The following RAB40C variants were observed in gnomAD, a reference collection of about 807,000 sequenced individuals.
RAB40C encodes the protein ras-related protein Rab-40C.
A neutral mutation model predicts 28.1 loss-of-function variants in RAB40C; 8 were observed. The observed-to-expected ratio is 0.28, with a 90% CI of 0.17 to 0.51. RAB40C has a LOEUF of 0.51. RAB40C is among the 20% of genes least tolerant of loss of function. The probability of loss-of-function intolerance (pLI) is 0.97; values close to 1 mark genes in which losing one functional copy is unlikely to be tolerated. For missense variants in RAB40C, 288 were observed against 405.9 expected (o/e 0.71, Z 2.50); for synonymous variants, 201 against 171.7 (o/e 1.17, Z -1.34).
At chr16:615,780 G>A (rs2151074683) in intron 1 of RAB40C, among the ~76,000 whole-genome samples, 1 of 152,204 alleles carries the variant, frequency 6.6e-6, no homozygotes, top group African/African-American at 2.4e-5. Context: ...TAGCCAACGT[G>A]GCAAAACCCC....
At chr16:603,544 C>T (rs139762254) in intron 1 of RAB40C, among the ~76,000 whole-genome samples, 320 of 152,286 alleles carry the variant, frequency 2.1e-3, no homozygotes, top group African/African-American at 7.4e-3. Flanking sequence ...TAGGGTAATC[C>T]GGTCCCCTAA....
intron 3 of RAB40C, among the ~76,000 whole-genome samples, chr16:619,912 C>A (rs550724061): frequency 6.6e-6 from 1 of 152,302 alleles, no homozygotes; most frequent in South Asian, 2.1e-4. Flanking sequence ...GACGCCAGGG[C>A]GGGCTGGGTC....
intron 1 of RAB40C, among the ~76,000 whole-genome samples, chr16:599,737 G>A (rs573362047): frequency 3.6e-4 from 30 of 84,350 alleles, no homozygotes; most frequent in African/African-American, 1.1e-3. Flanking sequence ...GCGTGGATTC[G>A]CAAGGTTTTG....
intron 1 of RAB40C, among the ~76,000 whole-genome samples, chr16:604,656 T>C (rs1222272259): frequency 6.6e-6 from 1 of 152,236 alleles, no homozygotes; most frequent in Non-Finnish European, 1.5e-5. Context: ...TCTGTTCCCT[T>C]AGGTAGATCT....
Position 626,072 on chromosome 16 carries a change from C to T in RAB40C, c.516C>T (p.Arg172=), listed in dbSNP as rs1172338300. The T allele has an allele frequency of 1.2e-6, 2 of 1,613,340 alleles. No individual in the cohort carries two copies. Among genetic ancestry groups the T allele is most frequent in the East Asian group, 2.2e-5 (1 of 44,874 alleles). The change falls in exon 5 of 6, where the codon CGC becomes CGT. Residue 172 remains arginine, a synonymous_variant. Coordinates refer to ENST00000248139, the MANE Select transcript of RAB40C (RefSeq NM_021168.5). ...TCGAGTCCTTCACGGAGCTATCCCGCATCGTGCTCATGCGGCACGGCATGG... is the reference window on the plus strand; with the variant it reads ...TCGAGTCCTTCACGGAGCTATCCCGTATCGTGCTCATGCGGCACGGCATGG... ...NVIESFTELS[R]IVLMRHGMEK... is the part of the protein sequence containing the mutation.
At chr16:625,151 A>C in intron 3 of RAB40C, 1 of 1,369,398 alleles carries the variant, frequency 7.3e-7, no homozygotes, top group South Asian at 1.2e-5. Flanking sequence ...TGCCCAGGAA[A>C]CTTCCACAGG....
chr16:627,913 T>C lies in RAB40C; in HGVS notation c.*291T>C. 1 of 424,572 alleles carries C rather than the reference T, an allele frequency of 2.4e-6. No homozygotes were observed. The highest frequency in any genetic ancestry group is 6.2e-5 in the South Asian group (1 of 16,142). The allele number at this position is 424,572 out of a possible 1,614,324, so 26.3% of individuals were successfully genotyped here. A position where few individuals can be genotyped will look rare whatever the true frequency, so the allele number is the denominator to read the frequency against. On this transcript the variant is annotated 3_prime_UTR_variant, in exon 6 of 6. Coordinates refer to ENST00000248139, the MANE Select transcript of RAB40C (RefSeq NM_021168.5). ...TGACCGGCGGGGAGCCTGGTTGGCC[T>C]TTCTTATTTATATAGAGAACACTTC...
chr16:605,781 G>T (rs140420877), intron 1 of RAB40C, among the ~76,000 whole-genome samples: 1 of 152,190 alleles, frequency 6.6e-6, no homozygotes, highest in African/African-American at 2.4e-5. Context: ...GTCAACACAG[G>T]TGCCCATTGC....
chr16:620,698 T>C (rs1236465100), intron 3 of RAB40C, among the ~76,000 whole-genome samples: 35 of 39,178 alleles, frequency 8.9e-4, no homozygotes, highest in African/African-American at 2.2e-3. Context: ...CCCCCCCCGA[T>C]GGGCTCCACC....
Position 610,770 on chromosome 16 carries a change from T to A in RAB40C, c.143-6438T>A, listed in dbSNP as rs995033511. On this transcript the variant is annotated intron_variant, in intron 1 of 5. Coordinates refer to ENST00000248139, the MANE Select transcript of RAB40C (RefSeq NM_021168.5). This position sits in a 1 kb window ranked among gnomAD's most constrained non-coding sequence, Gnocchi z 4.6. ...GCCCCACCCCGTCACCTGCTTGCCCTGACCCTGCCTGGATAATTGAGACCT... is the reference window on the plus strand; with the variant it reads ...GCCCCACCCCGTCACCTGCTTGCCCAGACCCTGCCTGGATAATTGAGACCT... 7.1e-6 allele frequency among the ~76,000 whole-genome samples: 1 copy of A among 140,376 alleles called. No homozygotes were observed. Among genetic ancestry groups the A allele is most frequent in the Non-Finnish European group, 1.6e-5 (1 of 64,390 alleles). 92.1% of individuals were successfully genotyped at this position (140,376 alleles called of 152,430 possible).
intron 1 of RAB40C, among the ~76,000 whole-genome samples, chr16:598,912 G>T (rs568387021): frequency 2.6e-5 from 4 of 152,342 alleles, no homozygotes; most frequent in Non-Finnish European, 5.9e-5. Flanking sequence ...CTCCAGCAGC[G>T]TGGGTAACCC....
intron 3 of RAB40C, chr16:624,295 C>A (rs1387352733): frequency 1.0e-6 from 1 of 985,356 alleles, no homozygotes; most frequent in Non-Finnish European, 1.2e-6. Context: ...GCAAATGAGC[C>A]AGCCCCAGTC....
chr16:611,173 G>A (rs1393491218), intron 1 of RAB40C, among the ~76,000 whole-genome samples: 8 of 152,146 alleles, frequency 5.3e-5, no homozygotes, highest in Admixed American at 3.3e-4. Context: ...TAGAGGCCCC[G>A]GCTCTGTGGG....
chr16:619,442 C>A (rs1441877093), intron 3 of RAB40C, among the ~76,000 whole-genome samples: 1 of 152,194 alleles, frequency 6.6e-6, no homozygotes, highest in Non-Finnish European at 1.5e-5. Context: ...CTCCTCTGGG[C>A]CCCCAAGCAC....
Position 617,275 on chromosome 16 carries a change from T to C in RAB40C, c.203+7T>C, listed in dbSNP as rs758233916. Reference sequence around the variant, plus strand: ...GCGTGAAGCTGGAGCTCTGGTGAGTTGGGGCTGCGGCACTTCAGTTCCTGG... The same window carrying C: ...GCGTGAAGCTGGAGCTCTGGTGAGTCGGGGCTGCGGCACTTCAGTTCCTGG... On this transcript the variant is annotated splice_region_variant and intron_variant, in intron 2 of 5. Coordinates refer to ENST00000248139, the MANE Select transcript of RAB40C (RefSeq NM_021168.5). The C allele has an allele frequency of 1.1e-5, 17 of 1,613,992 alleles. No homozygotes were observed. Among genetic ancestry groups the C allele is most frequent in the Non-Finnish European group, 1.1e-5 (13 of 1,180,000 alleles).
chr16:611,198 C>T (rs575941578), intron 1 of RAB40C, among the ~76,000 whole-genome samples: 1 of 152,148 alleles, frequency 6.6e-6, no homozygotes, highest in South Asian at 2.1e-4. Context: ...TGACGTGGTC[C>T]CCAGGCTTTT....
chr16:623,389 C>G (rs2036761975), intron 3 of RAB40C, among the ~76,000 whole-genome samples: 1 of 152,176 alleles, frequency 6.6e-6, no homozygotes, highest in Admixed American at 6.5e-5. Context: ...GTGGCTCACG[C>G]CTGTCATCCC....
At chr16:596,465 C>G (rs2036127252) in intron 1 of RAB40C, 1 of 362,510 alleles carries the variant, frequency 2.8e-6, no homozygotes, top group Non-Finnish European at 5.5e-6. Flanking sequence ...TGCCACCCCA[C>G]CGAGGGCCGT....
chr16:592,582 C>T (rs1222426184), intron 1 of RAB40C, among the ~76,000 whole-genome samples: 4 of 152,282 alleles, frequency 2.6e-5, no homozygotes, highest in Non-Finnish European at 4.4e-5. Context: ...GAATTGGTAA[C>T]TCCTGACTCA....
Sources: allele counts gnomAD v4.1 joint callset (sites outside exome capture counted in the v4.1 genomes callset), GRCh38; gene constraint gnomAD v4.1.1; non-coding constraint Gnocchi (gnomAD v3.1); transcripts MANE v1.5; gene names NCBI Gene and HGNC (gene_info 2026-07-23, HGNC 2026-07-21).